Variants in THOC3 observed in about 807,000 individuals in gnomAD.
THOC3 encodes TEX1 homolog.
THOC3 carries 4 observed loss-of-function variants against 23.3 expected under a neutral mutation model. The observed-to-expected ratio is 0.17, with a 90% CI of 0.08 to 0.39. The LOEUF (loss-of-function observed/expected upper bound fraction) is 0.39. Ranked by LOEUF, THOC3 falls within the 10% of genes least tolerant of loss-of-function variation. The pLI, the probability that THOC3 is intolerant of heterozygous loss-of-function variation, is 1.00. For synonymous variants in THOC3, 27 were observed against 141.5 expected, an observed-to-expected ratio of 0.19 and a Z score of 5.74; for missense variants, 64 against 359.4, an observed-to-expected ratio of 0.18 and a Z score of 6.65.
At chr5:175,961,724 T>C (rs911032577) in intron 3 of THOC3, among the ~76,000 whole-genome samples, 28 of 152,070 alleles carry the variant, frequency 1.8e-4, no homozygotes, top group Non-Finnish European at 3.5e-4. Flanking sequence ...CAACACTTAA[T>C]GCCAAAAGAA....
chr5:175,965,128 G>C lies in THOC3; in HGVS notation c.452C>G (p.Pro151Arg), dbSNP rs1402469701. ...GCCTACAGCAATGGTCTGCCCATCA[G>C]GACTCCAGCAGATATTAATGTTCTC... Reference protein sequence around the residue: ...KGENINICWSPDGQTIAVGNK... With the variant: ...KGENINICWSRDGQTIAVGNK... Residue 151 changes from proline to arginine, a missense_variant, in exon 3 of 6, where the codon CCT becomes CGT. Transcript: ENST00000265097. The C allele has an allele frequency of 6.5e-7, 1 of 1,537,404 alleles. No individual in the cohort carries two copies. Among genetic ancestry groups the C allele is most frequent in the Non-Finnish European group, 8.7e-7 (1 of 1,150,116 alleles).
At chr5:175,962,419 T>TACACACACACACACAC (rs1436194735) in intron 3 of THOC3, among the ~76,000 whole-genome samples, 2 of 40,650 alleles carry the variant, frequency 4.9e-5, no homozygotes, top group African/African-American at 1.9e-4. Flanking sequence ...TATATATATA[T>TACACACACACACACAC]ATACACACAC....
intron 3 of THOC3, among the ~76,000 whole-genome samples, chr5:175,962,204 C>T (rs1233303818): frequency 6.7e-6 from 1 of 148,830 alleles, no homozygotes; most frequent in Non-Finnish European, 1.5e-5. Flanking sequence ...TCTGAGACAT[C>T]TATATGTTTA....
intron 2 of THOC3, among the ~76,000 whole-genome samples, chr5:175,966,834 C>T (rs1391689434): frequency 6.7e-6 from 1 of 149,434 alleles, no homozygotes; most frequent in Admixed American, 6.7e-5. Context: ...TTTGGTGAGG[C>T]CTTCCCTGGC....
At chr5:175,967,669 C>G (rs1756800069) in intron 1 of THOC3, 1 of 430,398 alleles carries the variant, frequency 2.3e-6, no homozygotes, top group East Asian at 3.9e-5. Flanking sequence ...CATCCACCCT[C>G]TCCTCACCTT....
rs1298156426 is a variant in THOC3 at position 175,967,974 on chromosome 5, C to A, written c.235G>T (p.Ala79Ser). Residue 79 changes from alanine to serine, a missense_variant, in exon 1 of 6, where the codon GCC becomes TCC. Transcript: ENST00000265097. ...RLASGSFDKT[A>S]SVFLLEKDRL... ...TCCTTCTCCAGCAAGAAGACGCTGGCCGTCTTGTCGAAGGACCCCGAGGCT... is the reference window on the plus strand; with the variant it reads ...TCCTTCTCCAGCAAGAAGACGCTGGACGTCTTGTCGAAGGACCCCGAGGCT... 1 of 1,596,374 alleles carries A rather than the reference C, an allele frequency of 6.3e-7. No homozygotes were observed. The highest frequency in any genetic ancestry group is 2.2e-5 in the East Asian group (1 of 44,670).
At chr5:175,965,823 T>C (rs1241332096) in intron 2 of THOC3, among the ~76,000 whole-genome samples, 1 of 152,234 alleles carries the variant, frequency 6.6e-6, no homozygotes, top group Non-Finnish European at 1.5e-5. Context: ...ATCACAATTT[T>C]TGTCCTATCC....
Position 175,968,091 on chromosome 5 carries a change from C to T in THOC3, c.118G>A (p.Glu40Lys). 9 of 1,611,148 alleles carry T rather than the reference C, an allele frequency of 5.6e-6. No individual in the cohort carries two copies. Among genetic ancestry groups the T allele is most frequent in the Non-Finnish European group, 7.6e-6 (9 of 1,179,448 alleles). ...GPSRYVLGMQ[E>K]LFRGHSKTRE... ...GTCTTGCTGTGGCCCCGGAACAGCT[C>T]CTGCATCCCAAGCACGTAGCGCGAC... Residue 40 changes from glutamate (E) to lysine (K), a missense_variant, in exon 1 of 6, where the codon GAG becomes AAG. Physicochemically the swap from Glu to Lys is moderately conservative, Grantham distance 56. Transcript: ENST00000265097.
intron 3 of THOC3, among the ~76,000 whole-genome samples, chr5:175,962,084 T>C (rs545375376): frequency 6.6e-6 from 1 of 152,180 alleles, no homozygotes; most frequent in African/African-American, 2.4e-5. Flanking sequence ...GCTTACAACA[T>C]ATAGTACTAT....
chr5:175,962,759 G>A (rs1381731381), intron 3 of THOC3, among the ~76,000 whole-genome samples: 2 of 147,278 alleles, frequency 1.4e-5, no homozygotes, highest in African/African-American at 2.6e-5. Flanking sequence ...CACTCGCCTC[G>A]GCCTCCCAAA....
intron 2 of THOC3, 60 bp from the exon 3 acceptor site, chr5:175,965,215 A>T: frequency 6.2e-7 from 1 of 1,611,034 alleles, no homozygotes; most frequent in Middle Eastern, 1.7e-4. Context: ...CCACAAGTTT[A>T]TTGCACTATC....
At chr5:175,962,365 T>C (rs943909741) in intron 3 of THOC3, among the ~76,000 whole-genome samples, 1 of 129,578 alleles carries the variant, frequency 7.7e-6, no homozygotes, top group Admixed American at 7.7e-5. Flanking sequence ...TCAATTTTGA[T>C]TGCAAGTTAT....
intron 3 of THOC3, among the ~76,000 whole-genome samples, chr5:175,963,213 A>G (rs1185416391): frequency 1.3e-5 from 2 of 152,256 alleles, no homozygotes; most frequent in African/African-American, 4.8e-5. Context: ...GATGAGAAGC[A>G]GCATCTCTTT....
At chr5:175,962,981 A>C (rs1756695273) in intron 3 of THOC3, among the ~76,000 whole-genome samples, 1 of 152,232 alleles carries the variant, frequency 6.6e-6, no homozygotes, top group Non-Finnish European at 1.5e-5. Context: ...CTTATTGGCC[A>C]AAGATGGGAT....
intron 2 of THOC3, 40 bp from the exon 3 acceptor site, chr5:175,965,195 T>A (rs989703754): frequency 1.6e-5 from 26 of 1,612,472 alleles, no homozygotes; most frequent in Non-Finnish European, 1.7e-5. Flanking sequence ...ATCTGTTTGC[T>A]CATAATCTTC....
intron 3 of THOC3, among the ~76,000 whole-genome samples, chr5:175,964,345 T>G (rs1335459753): frequency 1.3e-5 from 2 of 152,222 alleles, no homozygotes; most frequent in Admixed American, 1.3e-4. Context: ...GAAGGCAAAG[T>G]GATATTTCAG....
intron 2 of THOC3, among the ~76,000 whole-genome samples, 196 bp downstream of exon 2, chr5:175,966,915 G>C (rs1756776162): frequency 1.3e-5 from 2 of 148,838 alleles, no homozygotes; most frequent in Non-Finnish European, 1.5e-5. Flanking sequence ...ATTATAAAAT[G>C]AACCATATCT....
At chr5:175,962,166 T>C (rs563743017) in intron 3 of THOC3, among the ~76,000 whole-genome samples, 7 of 151,398 alleles carry the variant, frequency 4.6e-5, no homozygotes, top group African/African-American at 1.7e-4. Context: ...AGTCATCACA[T>C]TGGTGGTAGC....
chr5:175,968,063 C>T lies in THOC3; in HGVS notation c.146G>A (p.Arg49His). 1 of 1,611,642 alleles carries T rather than the reference C, an allele frequency of 6.2e-7. No homozygotes were observed. Among genetic ancestry groups the T allele is most frequent in the Non-Finnish European group, 8.5e-7 (1 of 1,179,750 alleles). ...CTTGGCGCTGTGCGCCAGGAACTCGCGCGTCTTGCTGTGGCCCCGGAACAG... is the reference window on the plus strand; with the variant it reads ...CTTGGCGCTGTGCGCCAGGAACTCGTGCGTCTTGCTGTGGCCCCGGAACAG... ...QELFRGHSKT[R>H]EFLAHSAKVH... Residue 49 changes from arginine to histidine, a missense_variant, in exon 1 of 6, where the codon CGC becomes CAC. Coordinates refer to ENST00000265097, the MANE Select transcript of THOC3 (RefSeq NM_032361.4).
Sources: gnomAD v4.1 joint callset for allele counts (sites outside exome capture counted in the v4.1 genomes callset) on GRCh38, gnomAD v4.1.1 for gene constraint, MANE v1.5 for transcripts, NCBI Gene and HGNC (gene_info 2026-07-23, HGNC 2026-07-21) for gene names.